Variants in BTBD9 observed in about 807,000 individuals in gnomAD.
BTBD9 encodes BTB/POZ domain-containing protein 9.
BTBD9 carries 49 observed loss-of-function variants against 64.3 expected under a neutral mutation model. The ratio of observed to expected loss-of-function variants is 0.76; its 90% CI spans 0.61 to 0.97. The LOEUF is 0.97. Among genes scored for constraint, BTBD9 ranks in the 50% least tolerant of loss-of-function variants. The pLI, the probability that BTBD9 is intolerant of heterozygous loss-of-function variation, is 0.00. For synonymous variants in BTBD9, 260 were observed against 274.7 expected, an observed-to-expected ratio of 0.95 and a Z score of 0.53; for missense variants, 598 against 762.1, an observed-to-expected ratio of 0.78 and a Z score of 2.53.
chr6:38,422,741 C>T (rs1005571675), intron 6 of BTBD9, among the ~76,000 whole-genome samples: 15 of 152,168 alleles, frequency 9.9e-5, no homozygotes, highest in Admixed American at 9.2e-4. Flanking sequence ...AATTATTTTA[C>T]ACAGGGTTTT....
At chr6:38,329,179 A>T (rs1763576147) in intron 7 of BTBD9, among the ~76,000 whole-genome samples, 1 of 152,118 alleles carries the variant, frequency 6.6e-6, no homozygotes, top group Non-Finnish European at 1.5e-5. Context: ...TTAGACATTC[A>T]TAATCTTCCT....
intron 6 of BTBD9, among the ~76,000 whole-genome samples, chr6:38,360,733 G>A (rs1436965082): frequency 6.6e-6 from 1 of 152,144 alleles, no homozygotes; most frequent in African/African-American, 2.4e-5. Context: ...GGGGAGCGCA[G>A]TAGGACTGGA....
intron 6 of BTBD9, among the ~76,000 whole-genome samples, chr6:38,362,737 A>G (rs919703185): frequency 5.3e-5 from 8 of 152,252 alleles, no homozygotes; most frequent in South Asian, 4.1e-4. Context: ...TGAGTATAGC[A>G]GAAGAAAGGA....
At chr6:38,247,080 A>C (rs1203357733) in intron 9 of BTBD9, among the ~76,000 whole-genome samples, 1 of 152,110 alleles carries the variant, frequency 6.6e-6, no homozygotes, top group Non-Finnish European at 1.5e-5. Context: ...TAAGTGTGAG[A>C]TTAAGAAACA....
intron 7 of BTBD9, among the ~76,000 whole-genome samples, chr6:38,303,853 A>ATATATATATAT (rs1762504742): frequency 8.7e-6 from 1 of 114,464 alleles, no homozygotes; most frequent in Non-Finnish European, 1.8e-5. Context: ...ATATATATAT[A>ATATATATATAT]TATATATATA....
chr6:38,559,132 TATTC>T (rs1775156805), intron 6 of BTBD9, among the ~76,000 whole-genome samples: 1 of 152,218 alleles, frequency 6.6e-6, no homozygotes, highest in African/African-American at 2.4e-5. Flanking sequence ...ATTTCTACCT[TATTC>T]AATCTTAGGA....
intron 6 of BTBD9, among the ~76,000 whole-genome samples, chr6:38,495,909 T>G (rs1333520823): frequency 6.6e-6 from 1 of 152,168 alleles, no homozygotes; most frequent in Non-Finnish European, 1.5e-5. Context: ...CATGTTTAAG[T>G]ATTAAGAGCA....
At chr6:38,593,774 C>G (rs1427515539) in intron 3 of BTBD9, among the ~76,000 whole-genome samples, 190 bp downstream of exon 3, 1 of 152,190 alleles carries the variant, frequency 6.6e-6, no homozygotes, top group Non-Finnish European at 1.5e-5. Flanking sequence ...AAAACACAAC[C>G]AACCAGCCCC....
At chr6:38,465,457 A>T (rs1770304284) in intron 6 of BTBD9, among the ~76,000 whole-genome samples, 1 of 134,486 alleles carries the variant, frequency 7.4e-6, no homozygotes, top group Non-Finnish European at 1.6e-5. Flanking sequence ...CTCTACTAAA[A>T]ATACAAAAAA....
intron 6 of BTBD9, among the ~76,000 whole-genome samples, chr6:38,473,293 TAATGTCCCCAAATAAGA>T (rs1438520646): frequency 6.6e-6 from 1 of 152,214 alleles, no homozygotes; most frequent in Non-Finnish European, 1.5e-5. Context: ...GATTCATAAA[TAATGTCCCCAAATAAGA>T]AATAAACAAT....
chr6:38,275,922 T>C (rs1761217582), intron 8 of BTBD9, among the ~76,000 whole-genome samples: 1 of 151,864 alleles, frequency 6.6e-6, no homozygotes, highest in Non-Finnish European at 1.5e-5. Flanking sequence ...AGTTCAACCA[T>C]TGTGGAAGTC....
At chr6:38,428,352 A>G (rs1279142026) in intron 6 of BTBD9, among the ~76,000 whole-genome samples, 1 of 112,562 alleles carries the variant, frequency 8.9e-6, no homozygotes, top group East Asian at 2.6e-4. Flanking sequence ...CTTTGTACAC[A>G]ACTCTATGTT....
chr6:38,292,636 TTA>T (rs1419898006), intron 7 of BTBD9, among the ~76,000 whole-genome samples: 2 of 152,212 alleles, frequency 1.3e-5, no homozygotes, highest in Non-Finnish European at 2.9e-5. Context: ...TGATGGTAGT[TTA>T]TATTTCTGTG....
At chr6:38,497,843 G>C (rs775776208) in intron 6 of BTBD9, among the ~76,000 whole-genome samples, 2 of 152,162 alleles carry the variant, frequency 1.3e-5, no homozygotes, top group African/African-American at 4.8e-5. Context: ...AGGCAGAACC[G>C]AAGGTATTAT....
intron 6 of BTBD9, among the ~76,000 whole-genome samples, chr6:38,513,964 C>T (rs1772896025): frequency 6.6e-6 from 1 of 151,790 alleles, no homozygotes; most frequent in African/African-American, 2.4e-5. Context: ...AATGCTAGCA[C>T]AGAACAAAAG....
chr6:38,481,355 C>A (rs545823404), intron 6 of BTBD9, among the ~76,000 whole-genome samples: 2 of 152,234 alleles, frequency 1.3e-5, no homozygotes, highest in East Asian at 3.9e-4. Flanking sequence ...ACAGTGAGTG[C>A]AAAATTGTAT....
chr6:38,461,123 A>G (rs1170932099), intron 6 of BTBD9, among the ~76,000 whole-genome samples: 3 of 152,226 alleles, frequency 2.0e-5, no homozygotes, highest in Non-Finnish European at 4.4e-5. Flanking sequence ...TACAGACCTC[A>G]CATTCCCTTC....
intron 6 of BTBD9, among the ~76,000 whole-genome samples, chr6:38,488,051 G>C (rs946740240): frequency 2.0e-5 from 3 of 152,092 alleles, no homozygotes; most frequent in Admixed American, 1.3e-4. Context: ...TTGAGACAAG[G>C]GATCAAGCCA....
At chr6:38,542,495 T>C (rs998925843) in intron 6 of BTBD9, among the ~76,000 whole-genome samples, 2 of 152,124 alleles carry the variant, frequency 1.3e-5, no homozygotes, top group South Asian at 2.1e-4. Context: ...TCCCCCTGCA[T>C]TTCCACTGCC....
Sources: gnomAD v4.1 joint callset for allele counts (sites outside exome capture counted in the v4.1 genomes callset) on GRCh38, gnomAD v4.1.1 for gene constraint, MANE v1.5 for transcripts, NCBI Gene and HGNC (gene_info 2026-07-23, HGNC 2026-07-21) for gene names.